The following HIPK3 variants were observed in gnomAD, a reference collection of about 807,000 sequenced individuals.
HIPK3 encodes the protein homeodomain-interacting protein kinase 3.
Under a neutral mutation model 124.2 loss-of-function variants are expected in HIPK3, and 47 were observed. That is an observed-to-expected ratio of 0.38 (90% CI 0.30 to 0.48). The LOEUF (loss-of-function observed/expected upper bound fraction) is 0.48. HIPK3 is among the 20% of genes least tolerant of loss of function. The pLI, the probability that HIPK3 is intolerant of heterozygous loss-of-function variation, is 0.98. For missense variants in HIPK3, 1,286 were observed against 1,454.3 expected (o/e 0.88, Z 1.88); for synonymous variants, 482 against 515.2 (o/e 0.94, Z 0.87).
At chr11:33,264,686 A>G (rs1850909590) in intron 1 of HIPK3, among the ~76,000 whole-genome samples, 1 of 152,214 alleles carries the variant, frequency 6.6e-6, no homozygotes, top group African/African-American at 2.4e-5. Context: ...GATTTGCTAA[A>G]AACAAAAAAT....
chr11:33,259,864 CTG>C (rs999148976), intron 1 of HIPK3, among the ~76,000 whole-genome samples: 1 of 142,478 alleles, frequency 7.0e-6, no homozygotes, highest in African/African-American at 2.6e-5. Context: ...TAGATTAAAA[CTG>C]TTGTAAAAAA....
rs939611303 is a variant in HIPK3 at position 33,257,847 on chromosome 11, G to T, written c.-45G>T. ...GCGCCCCACCCCGGACATGCTCAGG[G>T]CTGCGGCCGCCCGAAGAGGAGAGAG... On this transcript the variant is annotated 5_prime_UTR_variant, in exon 1 of 17. Coordinates refer to ENST00000303296, the MANE Select transcript of HIPK3 (RefSeq NM_005734.5). The T allele has an allele frequency of 2.0e-6, 2 of 985,754 alleles. No individual in the cohort carries two copies. The highest frequency in any genetic ancestry group is 2.4e-6 in the Non-Finnish European group (2 of 830,210). 61.1% of individuals were successfully genotyped at this position (985,754 alleles called of 1,614,324 possible). A position where few individuals can be genotyped will look rare whatever the true frequency, so the allele number is the denominator to read the frequency against.
chr11:33,351,486 G>A, intron 14 of HIPK3, 122 bp from the exon 15 acceptor site: 1 of 669,318 alleles, frequency 1.5e-6, no homozygotes, highest in East Asian at 2.7e-5. Context: ...GGAAAAAGGT[G>A]TAATTATATA....
At chr11:33,331,982 C>T (rs1853001742) in intron 3 of HIPK3, among the ~76,000 whole-genome samples, 1 of 152,134 alleles carries the variant, frequency 6.6e-6, no homozygotes, top group Non-Finnish European at 1.5e-5. Flanking sequence ...CAAAGTTGAA[C>T]TCGTGGGCTC....
intron 11 of HIPK3, 64 bp downstream of exon 11, chr11:33,348,077 A>G: frequency 6.2e-7 from 1 of 1,607,778 alleles, no homozygotes. Flanking sequence ...TTTTGCATGT[A>G]CTCTAAAGGG....
chr11:33,263,243 AG>A (rs1850871995), intron 1 of HIPK3, among the ~76,000 whole-genome samples: 1 of 152,130 alleles, frequency 6.6e-6, no homozygotes, highest in African/African-American at 2.4e-5. Flanking sequence ...GTGGGTGGTG[AG>A]GCAGGGGAGA....
At chr11:33,320,766 A>G (rs1260773196) in intron 2 of HIPK3, among the ~76,000 whole-genome samples, 1 of 152,204 alleles carries the variant, frequency 6.6e-6, no homozygotes, top group African/African-American at 2.4e-5. Flanking sequence ...GTTTACTGAC[A>G]TGGGTAGGAC....
At position 33,292,931 on chromosome 11, in the gene HIPK3, A is replaced by G. The variant is rs954892344; in HGVS notation, c.1097+5420A>G. Among the ~76,000 whole-genome samples, 7 of 151,892 alleles carry G rather than the reference A, an allele frequency of 4.6e-5. No individual in the cohort carries two copies. In the East Asian group the frequency reaches 1.4e-3, roughly 29 times the overall value. ...GTTTTGTATTTTTGGTAGAGACGGG[A>G]TTTCACCGTGTTAGCCAGGATGGTC... On this transcript the variant is annotated intron_variant, in intron 2 of 16. Coordinates refer to ENST00000303296, the MANE Select transcript of HIPK3 (RefSeq NM_005734.5).
intron 1 of HIPK3, among the ~76,000 whole-genome samples, chr11:33,259,228 C>G (rs553914695): frequency 1.3e-5 from 2 of 152,116 alleles, no homozygotes; most frequent in Non-Finnish European, 2.9e-5. Flanking sequence ...CCTTTCTGAT[C>G]AAATTTTTGA....
At chr11:33,352,340 C>A in intron 16 of HIPK3, 75 bp downstream of exon 16, 1 of 1,479,886 alleles carries the variant, frequency 6.8e-7, no homozygotes, top group Non-Finnish European at 9.4e-7. Context: ...GAGGAGAAAG[C>A]TTCTGAAACT....
chr11:33,336,168 C>T (rs1853141893), intron 3 of HIPK3, among the ~76,000 whole-genome samples: 1 of 152,062 alleles, frequency 6.6e-6, no homozygotes, highest in Non-Finnish European at 1.5e-5. Flanking sequence ...TCATGGAAGG[C>T]CTGGTCAATA....
Position 33,341,109 on chromosome 11 carries a change from C to A in HIPK3, c.1755C>A (p.Ile585=). Residue 585 remains isoleucine (I), a synonymous_variant, in exon 7 of 17, where the codon ATC becomes ATA. Transcript: ENST00000303296. ...TATLTANFTK[I]GTLRSQALTT... is the part of the protein sequence containing the mutation. ...CACTGACTGCAAATTTTACTAAAAT[C>A]GGAACATTAAGAAGTCAGGTAAGAA... is the stretch of plus-strand genomic sequence containing the variant. 1.9e-6 allele frequency: 3 copies of A among 1,588,556 alleles called. No individual in the cohort carries two copies. Among genetic ancestry groups the A allele is most frequent in the South Asian group, 1.2e-5 (1 of 84,878 alleles).
intron 6 of HIPK3, 65 bp downstream of exon 6, chr11:33,339,599 A>C: frequency 8.6e-7 from 1 of 1,156,890 alleles, no homozygotes; most frequent in South Asian, 1.6e-5. Context: ...AAATGACTGC[A>C]TCAGAGAAAT....
chr11:33,349,354 T>C, intron 14 of HIPK3, 67 bp downstream of exon 14: 1 of 1,340,966 alleles, frequency 7.5e-7, no homozygotes, highest in Non-Finnish European at 1.0e-6. Flanking sequence ...GATTTCTTTC[T>C]GTTGTTTAAT....
chr11:33,345,919 G>C lies in HIPK3; in HGVS notation c.1898-1374G>C, dbSNP rs183823262. Among the ~76,000 whole-genome samples the C allele has an allele frequency of 3.7e-3, 560 of 152,192 alleles. 2 individuals are homozygous for C. Among genetic ancestry groups the C allele is most frequent in the Non-Finnish European group, 6.0e-3 (410 of 67,966 alleles). On this transcript the variant is annotated intron_variant, in intron 8 of 16. Transcript: ENST00000303296. ...GAAAATTTGAGGTTGTTTTACAATA[G>C]AGAAAGAAAACAATTGTAGTATTTT... is the stretch of plus-strand genomic sequence containing the variant.
intron 3 of HIPK3, among the ~76,000 whole-genome samples, chr11:33,332,575 A>G (rs993074135): frequency 6.6e-6 from 1 of 152,242 alleles, no homozygotes; most frequent in Non-Finnish European, 1.5e-5. Flanking sequence ...ATAGAATGTT[A>G]TCCAGAACAA....
chr11:33,284,626 G>A (rs564678756), intron 1 of HIPK3, among the ~76,000 whole-genome samples: 1 of 152,290 alleles, frequency 6.6e-6, no homozygotes, highest in East Asian at 1.9e-4. Flanking sequence ...CCACTGCACT[G>A]CAGACTAGGC....
chr11:33,320,879 T>C lies in HIPK3; in HGVS notation c.1098-7631T>C, dbSNP rs138524003. 3.3e-5 allele frequency among the ~76,000 whole-genome samples: 5 copies of C among 152,274 alleles called. No individual in the cohort carries two copies. In the East Asian group the frequency reaches 9.6e-4, roughly 29 times the overall value. On this transcript the variant is annotated intron_variant, in intron 2 of 16. Transcript: ENST00000303296. Reference sequence around the variant, plus strand: ...AAGAAGTGCTGAGCAGACAATTGGATTCACAAGTCTGGAGTTAAAAGAGAG... The same window carrying C: ...AAGAAGTGCTGAGCAGACAATTGGACTCACAAGTCTGGAGTTAAAAGAGAG...
chr11:33,269,790 G>A (rs953613231), intron 1 of HIPK3, among the ~76,000 whole-genome samples: 1 of 151,820 alleles, frequency 6.6e-6, no homozygotes, highest in African/African-American at 2.4e-5. Context: ...TATTCCTTCA[G>A]ATAATTGTTT....
Sources: gnomAD v4.1 joint callset for allele counts (sites outside exome capture counted in the v4.1 genomes callset) on GRCh38, gnomAD v4.1.1 for gene constraint, MANE v1.5 for transcripts, NCBI Gene and HGNC (gene_info 2026-07-23, HGNC 2026-07-21) for gene names.